The following CNTLN variants were observed in gnomAD, a reference collection of about 807,000 sequenced individuals.
CNTLN encodes centlein, also known as centlein, centrosomal protein.
CNTLN carries 212 observed loss-of-function variants against 180.0 expected under a neutral mutation model. The observed-to-expected ratio is 1.18, with a 90% CI of 1.05 to 1.32. CNTLN has a LOEUF of 1.32. CNTLN is among the 40% of genes most tolerant of loss of function. CNTLN has a pLI of 0.00. For synonymous variants in CNTLN, 722 were observed against 563.1 expected, an observed-to-expected ratio of 1.28 and a Z score of -3.99; for missense variants, 2,095 against 1,610.9, an observed-to-expected ratio of 1.30 and a Z score of -5.14.
At position 17,394,524 on chromosome 9, in the gene CNTLN, T is replaced by G; in HGVS notation, c.2080-10T>G. ...TTTGGATTCTTAAAAGAATAAACTC[T>G]TTCCTTTAGGTCACTGAGTTGGAAA... On this transcript the variant is annotated splice_polypyrimidine_tract_variant and intron_variant, in intron 14 of 25. Transcript: ENST00000380647. The G allele has an allele frequency of 6.7e-7, 1 of 1,499,432 alleles. No homozygotes were observed. Among genetic ancestry groups the G allele is most frequent in the Non-Finnish European group, 9.0e-7 (1 of 1,110,710 alleles). 92.9% of individuals were successfully genotyped at this position (1,499,432 alleles called of 1,614,324 possible).
intron 5 of CNTLN, among the ~76,000 whole-genome samples, chr9:17,264,001 C>G (rs1195145341): frequency 6.9e-6 from 1 of 145,660 alleles, no homozygotes; most frequent in Admixed American, 6.8e-5. Flanking sequence ...GTTGCCTGTT[C>G]ACTCTGATGA....
At chr9:17,404,518 G>A (rs746178310) in intron 15 of CNTLN, among the ~76,000 whole-genome samples, 9 of 151,564 alleles carry the variant, frequency 5.9e-5, no homozygotes, top group East Asian at 1.9e-4. Flanking sequence ...GCTAAAAAGC[G>A]TCAAAAGGAG....
At chr9:17,239,355 G>A (rs141890577) in intron 5 of CNTLN, among the ~76,000 whole-genome samples, 1,590 of 152,188 alleles carry the variant, frequency 0.01, 32 homozygotes, top group African/African-American at 0.037. Context: ...AATCTTTTGT[G>A]TACATACTGG....
At chr9:17,202,517 G>A (rs1353743623) in intron 2 of CNTLN, among the ~76,000 whole-genome samples, 4 of 152,068 alleles carry the variant, frequency 2.6e-5, no homozygotes, top group Non-Finnish European at 4.4e-5. Flanking sequence ...TGTATTGGGA[G>A]CATATATATT....
intron 25 of CNTLN, among the ~76,000 whole-genome samples, chr9:17,495,716 G>A (rs912120472): frequency 6.6e-6 from 1 of 152,116 alleles, no homozygotes; most frequent in Non-Finnish European, 1.5e-5. Context: ...AATGTCCTAA[G>A]TCTTCACATT....
intron 1 of CNTLN, among the ~76,000 whole-genome samples, chr9:17,141,892 G>A (rs368476605): frequency 8.6e-5 from 13 of 151,932 alleles, no homozygotes; most frequent in African/African-American, 2.7e-4. Context: ...GACCAGCCTG[G>A]CCAATATGGT....
rs1823607848 is a variant in CNTLN at position 17,214,741 on chromosome 9, G to A, written c.450-11462G>A. 1.3e-5 allele frequency among the ~76,000 whole-genome samples: 2 copies of A among 152,110 alleles called. 1 individual carries two copies. The highest frequency in any genetic ancestry group is 4.1e-4 in the South Asian group (2 of 4,828). On this transcript the variant is annotated intron_variant, in intron 2 of 25. Transcript: ENST00000380647. ...TCACATAGTCATGTATTTCTTGGAG[G>A]CTTTGTTCATTTCTTTTTACTTTTT...
In CNTLN at chr9:17,295,991, AGAGAGAGTGTGT is replaced by A. The variant is rs1443622833; in HGVS notation, c.984-2197_984-2186del. Among the ~76,000 whole-genome samples the A allele has an allele frequency of 1.5e-3, 113 of 76,642 alleles. 1 individual carries two copies. Among genetic ancestry groups the A allele is most frequent in the Admixed American group, 7.0e-3 (50 of 7,150 alleles). 50.3% of individuals were successfully genotyped at this position (76,642 alleles called of 152,430 possible). On this transcript the variant is annotated intron_variant, in intron 6 of 25. Coordinates refer to ENST00000380647, the MANE Select transcript of CNTLN (RefSeq NM_017738.4). ...CAGTGAGAGAGAGAGAGAGAGAGAG[AGAGAGAGTGTGT>A]GTGTGTGTGTGTGTGTGTGTGTGTG... is the stretch of plus-strand genomic sequence containing the variant.
intron 15 of CNTLN, among the ~76,000 whole-genome samples, chr9:17,402,990 A>G (rs1462509971): frequency 2.6e-5 from 4 of 151,738 alleles, no homozygotes; most frequent in Admixed American, 2.0e-4. Flanking sequence ...TCCCACTCCA[A>G]AAAAAGTAGT....
chr9:17,519,434 C>T, the CNTLN span, among the ~76,000 whole-genome samples: 4 of 152,102 alleles, frequency 2.6e-5, no homozygotes, highest in African/African-American at 4.8e-5. Flanking sequence ...CATTTCTGAG[C>T]TTCTTGTTTA....
intron 12 of CNTLN, among the ~76,000 whole-genome samples, chr9:17,353,194 G>T (rs1012777365): frequency 6.7e-6 from 1 of 148,176 alleles, no homozygotes; most frequent in African/African-American, 2.6e-5. Flanking sequence ...GGCCTCAAGC[G>T]ATCCTCCCAT....
chr9:17,365,389 G>T (rs1032122306), intron 12 of CNTLN, among the ~76,000 whole-genome samples: 3 of 152,078 alleles, frequency 2.0e-5, no homozygotes, highest in Non-Finnish European at 2.9e-5. Context: ...TGAGTCAATT[G>T]AACCTCTTTT....
At chr9:17,410,105 C>T (rs1827725669) in intron 16 of CNTLN, among the ~76,000 whole-genome samples, 1 of 152,046 alleles carries the variant, frequency 6.6e-6, no homozygotes, top group African/African-American at 2.4e-5. Context: ...GAAAGGTCTT[C>T]TTTAGTTACT....
chr9:17,504,118 A>G (rs1377204278), downstream of CNTLN, among the ~76,000 whole-genome samples: 1 of 152,116 alleles, frequency 6.6e-6, no homozygotes, highest in Non-Finnish European at 1.5e-5. Flanking sequence ...AAATACCAGT[A>G]CACACTTTTC....
chr9:17,144,827 A>ATTTTT (rs910071207), intron 2 of CNTLN, among the ~76,000 whole-genome samples: 1 of 148,114 alleles, frequency 6.8e-6, no homozygotes, highest in African/African-American at 2.5e-5. Context: ...ATTTTATTTT[A>ATTTTT]TTTTTTTTAT....
intron 2 of CNTLN, among the ~76,000 whole-genome samples, chr9:17,206,354 T>C (rs1268442219): frequency 6.6e-6 from 1 of 152,204 alleles, no homozygotes; most frequent in Non-Finnish European, 1.5e-5. Flanking sequence ...TCACTGGACT[T>C]ATGTTATCAG....
Position 17,220,173 on chromosome 9 carries a change from C to T in CNTLN, c.450-6030C>T, listed in dbSNP as rs144843150. ...GGTGATGATGATGCTCGTGCTCTGG[C>T]AACCTAACCACTAGTTAGACTGTGA... On this transcript the variant is annotated intron_variant, in intron 2 of 25. Transcript: ENST00000380647. Among the ~76,000 whole-genome samples the T allele has an allele frequency of 5.0e-3, 759 of 152,184 alleles. 3 individuals carry two copies. Among genetic ancestry groups the T allele is most frequent in the Non-Finnish European group, 7.7e-3 (521 of 68,000 alleles).
intron 25 of CNTLN, among the ~76,000 whole-genome samples, chr9:17,500,613 G>T (rs1297485812): frequency 3.3e-5 from 5 of 152,180 alleles, no homozygotes; most frequent in Non-Finnish European, 7.4e-5. Flanking sequence ...GGAGAGATCA[G>T]TGCCTGTTAG....
downstream of CNTLN, among the ~76,000 whole-genome samples, chr9:17,506,727 C>T (rs1022716): frequency 0.94 from 143,662 of 152,082 alleles, 68,111 homozygotes; most frequent in Middle Eastern, 1. Flanking sequence ...TCTCAAATAA[C>T]TGTAAAAACA....
Sources: gnomAD v4.1 joint callset for allele counts (sites outside exome capture counted in the v4.1 genomes callset) on GRCh38, gnomAD v4.1.1 for gene constraint, MANE v1.5 for transcripts, NCBI Gene and HGNC (gene_info 2026-07-23, HGNC 2026-07-21) for gene names.